The following PELI1 variants were observed in gnomAD, a reference collection of about 807,000 sequenced individuals.
PELI1 encodes pellino E3 ubiquitin protein ligase 1.
Under a neutral mutation model 41.3 loss-of-function variants are expected in PELI1, and 15 were observed. That is an observed-to-expected ratio of 0.36 (90% CI 0.24 to 0.56). The LOEUF (loss-of-function observed/expected upper bound fraction) is 0.56, where lower values mean the gene tolerates loss of function less well. Ranked by LOEUF, PELI1 falls within the 20% of genes least tolerant of loss-of-function variation. The pLI, the probability that PELI1 is intolerant of heterozygous loss-of-function variation, is 0.82. For synonymous variants in PELI1, 178 were observed against 180.1 expected (o/e 0.99, Z 0.09); for missense variants, 403 against 525.5 (o/e 0.77, Z 2.28).
chr2:64,140,081 C>CA (rs1476057396), intron 1 of PELI1, among the ~76,000 whole-genome samples: 1 of 151,836 alleles, frequency 6.6e-6, no homozygotes, highest in Non-Finnish European at 1.5e-5. Flanking sequence ...AAACTGTAGC[C>CA]AAAAAAATAA....
intron 1 of PELI1, among the ~76,000 whole-genome samples, chr2:64,121,598 A>G (rs1681213697): frequency 6.6e-6 from 1 of 152,312 alleles, no homozygotes; most frequent in East Asian, 1.9e-4. Flanking sequence ...TAAAATCTCC[A>G]TATTTTCTAA....
In PELI1 at chr2:64,134,353, G is replaced by C. The variant is rs1354717431; in HGVS notation, c.-70+9728C>G. On this transcript the variant is annotated intron_variant, in intron 1 of 6. Transcript: ENST00000358912. ...AATGTCTGCTCTCAATGAAGTTACAGATCTGCTCAAAGTTTAAGAGCCCCT... is the reference window on the plus strand; with the variant it reads ...AATGTCTGCTCTCAATGAAGTTACACATCTGCTCAAAGTTTAAGAGCCCCT... Among the ~76,000 whole-genome samples, 3 of 152,212 alleles carry C rather than the reference G, an allele frequency of 2.0e-5. No homozygotes were observed. In the East Asian group the frequency reaches 5.8e-4, roughly 29 times the overall value.
intron 1 of PELI1, chr2:64,143,184 A>C (rs1265977519): frequency 6.6e-6 from 1 of 152,372 alleles, no homozygotes; most frequent in African/African-American, 2.4e-5. Flanking sequence ...GTACAAAAAT[A>C]AAAGTAGATG....
At chr2:64,143,233 G>A (rs1681970969) in intron 1 of PELI1, 1 of 152,154 alleles carries the variant, frequency 6.6e-6, no homozygotes, top group Non-Finnish European at 1.5e-5. Context: ...TTCCCTACTC[G>A]GAGCATTTTT....
chr2:64,121,396 G>C (rs933572255), intron 1 of PELI1, among the ~76,000 whole-genome samples: 1 of 152,136 alleles, frequency 6.6e-6, no homozygotes, highest in African/African-American at 2.4e-5. Context: ...AACTTTGGAA[G>C]TATATTTCCT....
chr2:64,141,612 A>G (rs1174672580), intron 1 of PELI1, among the ~76,000 whole-genome samples: 1 of 152,176 alleles, frequency 6.6e-6, no homozygotes, highest in African/African-American at 2.4e-5. Context: ...CTACTAGAAA[A>G]CCATAATACA....
chr2:64,110,130 G>A (rs1264407780), intron 1 of PELI1, among the ~76,000 whole-genome samples: 1 of 151,442 alleles, frequency 6.6e-6, no homozygotes, highest in Non-Finnish European at 1.5e-5. Context: ...TGTAGTCCTA[G>A]CTACTTGGGA....
chr2:64,130,283 C>CA (rs1328274875), intron 1 of PELI1, among the ~76,000 whole-genome samples: 1 of 152,144 alleles, frequency 6.6e-6, no homozygotes, highest in Non-Finnish European at 1.5e-5. Flanking sequence ...GGACTACAGG[C>CA]ATATGCCACT....
At chr2:64,121,167 T>C (rs1681196625) in intron 1 of PELI1, among the ~76,000 whole-genome samples, 1 of 152,234 alleles carries the variant, frequency 6.6e-6, no homozygotes, top group African/African-American at 2.4e-5. Context: ...GAAACATACC[T>C]GCAAAAATGA....
chr2:64,104,990 G>C (rs1680574576), intron 2 of PELI1, among the ~76,000 whole-genome samples, 160 bp from the exon 3 acceptor site: 1 of 152,098 alleles, frequency 6.6e-6, no homozygotes, highest in African/African-American at 2.4e-5. Flanking sequence ...CTCCATACCA[G>C]GTGCCAGTGT....
intron 1 of PELI1, among the ~76,000 whole-genome samples, chr2:64,141,839 T>A (rs533208549): frequency 3.9e-5 from 6 of 152,332 alleles, no homozygotes; most frequent in African/African-American, 1.4e-4. Flanking sequence ...AAAGCCAGAC[T>A]TTGCCAGTCA....
chr2:64,096,490 T>G lies in PELI1; in HGVS notation c.424A>C (p.Ile142Leu). 6.2e-7 allele frequency: 1 copy of G among 1,613,360 alleles called. No individual in the cohort carries two copies. The highest frequency in any genetic ancestry group is 1.1e-5 in the South Asian group (1 of 91,066). Residue 142 changes from isoleucine (I) to leucine (L), a missense_variant, in exon 5 of 7, where the codon ATA (isoleucine) becomes CTA (leucine). Ile to Leu is a conservative substitution (Grantham distance 5). Transcript: ENST00000358912. ...STISRFACRI[I>L]CERNPPFTAR... ...GTAAAGGGAGGATTCCGTTCACATA[T>G]GATTCTGCAGGCAAATCTTGATATA... is the stretch of plus-strand genomic sequence containing the variant.
chr2:64,128,596 C>CTAATG (rs1681462022), intron 1 of PELI1, among the ~76,000 whole-genome samples: 1 of 152,126 alleles, frequency 6.6e-6, no homozygotes, highest in African/African-American at 2.4e-5. Flanking sequence ...CTGAGTCAGA[C>CTAATG]TAATGTGACA....
intron 1 of PELI1, among the ~76,000 whole-genome samples, chr2:64,127,914 T>C (rs1313905027): frequency 6.6e-6 from 1 of 152,192 alleles, no homozygotes; most frequent in East Asian, 1.9e-4. Flanking sequence ...CTTTTTCCAA[T>C]CAACCATCTC....
At chr2:64,140,791 AAAAAAAAACAAACAAAC>A (rs1681879100) in intron 1 of PELI1, among the ~76,000 whole-genome samples, 1 of 135,198 alleles carries the variant, frequency 7.4e-6, no homozygotes, top group Non-Finnish European at 1.6e-5. Context: ...AACATGCAAA[AAAAAAAAACAAACAAAC>A]AAAAAAAAAC....
At chr2:64,121,814 A>C in intron 1 of PELI1, among the ~76,000 whole-genome samples, 1 of 151,944 alleles carries the variant, frequency 6.6e-6, no homozygotes, top group Non-Finnish European at 1.5e-5. Flanking sequence ...CTGAGGCAGG[A>C]GAATAGCTTG....
intron 1 of PELI1, among the ~76,000 whole-genome samples, chr2:64,139,209 A>T (rs78780918): frequency 0.023 from 3,465 of 152,288 alleles, 113 homozygotes; most frequent in African/African-American, 0.077. Flanking sequence ...ATTTGGTGGA[A>T]AAGCCTCTTA....
rs569626597 is a variant in PELI1, at chr2:64,104,776, A to G, written c.126T>C (p.Ala42=). 26 of 1,613,828 alleles carry G rather than the reference A, an allele frequency of 1.6e-5. No individual in the cohort carries two copies. The East Asian group carries it at 5.8e-4, about 36-fold the overall frequency. The change falls in exon 3 of 7, where the codon GCT becomes GCC. Residue 42 remains alanine, a synonymous_variant. Coordinates refer to ENST00000358912, the MANE Select transcript of PELI1 (RefSeq NM_020651.4). ...GDRGRRKSRF[A]LFKRPKANGV... ...CATTTGCCTTAGGTCTTTTAAACAAAGCAAACCTACTTTTCCTCCTTCCTC... is the reference window on the plus strand; with the variant it reads ...CATTTGCCTTAGGTCTTTTAAACAAGGCAAACCTACTTTTCCTCCTTCCTC...
At chr2:64,141,044 A>G (rs545928157) in intron 1 of PELI1, among the ~76,000 whole-genome samples, 1 of 152,302 alleles carries the variant, frequency 6.6e-6, no homozygotes, top group East Asian at 1.9e-4. Context: ...CCTGTGTAAT[A>G]TATTCAGAGG....
Sources: gnomAD v4.1 joint callset for allele counts (sites outside exome capture counted in the v4.1 genomes callset) on GRCh38, gnomAD v4.1.1 for gene constraint, MANE v1.5 for transcripts, NCBI Gene and HGNC (gene_info 2026-07-23, HGNC 2026-07-21) for gene names.